The following ZKSCAN5 variants were observed in gnomAD, a reference collection of about 807,000 sequenced individuals.
ZKSCAN5 encodes the protein zinc finger protein with KRAB and SCAN domains 5.
Under a neutral mutation model 60.0 loss-of-function variants are expected in ZKSCAN5, and 28 were observed. That is an observed-to-expected ratio of 0.47 (90% CI 0.35 to 0.64). ZKSCAN5 has a LOEUF of 0.64. Ranked by LOEUF, ZKSCAN5 falls within the 30% of genes least tolerant of loss-of-function variation. The probability of loss-of-function intolerance (pLI) is 0.01; values close to 1 mark genes in which losing one functional copy is unlikely to be tolerated. For missense variants in ZKSCAN5, 881 were observed against 1,034.6 expected (o/e 0.85, Z 2.04); for synonymous variants, 361 against 371.2 (o/e 0.97, Z 0.31).
At chr7:99,505,858 ATTACT>A in intron 1 of ZKSCAN5, 142 bp from the exon 2 acceptor site, 2 of 599,658 alleles carry the variant, frequency 3.3e-6, no homozygotes, top group Non-Finnish European at 5.6e-6. Flanking sequence ...TTTTAAGTAA[ATTACT>A]TTGTTGAGTG....
intron 3 of ZKSCAN5, among the ~76,000 whole-genome samples, chr7:99,514,729 A>G (rs1801189736): frequency 6.6e-6 from 1 of 151,862 alleles, no homozygotes; most frequent in African/African-American, 2.4e-5. Context: ...CAACATGGCA[A>G]AACCCCATCT....
At position 99,525,499 on chromosome 7, in the gene ZKSCAN5, A is replaced by G. The variant is rs561394396; in HGVS notation, c.773-314A>G. Among the ~76,000 whole-genome samples, 23 of 151,560 alleles carry G rather than the reference A, an allele frequency of 1.5e-4. 1 individual carries two copies. Among genetic ancestry groups the G allele is most frequent in the South Asian group, 1.5e-3 (7 of 4,800 alleles). ...AACACACACATACACGCGCGCGCGC[A>G]CACACACACACACAAGAGAACATTT... On this transcript the variant is annotated intron_variant, in intron 5 of 6. Coordinates refer to ENST00000326775, the MANE Select transcript of ZKSCAN5 (RefSeq NM_145102.4).
At chr7:99,519,744 AT>A in intron 3 of ZKSCAN5, 82 bp from the exon 4 acceptor site, 1 of 1,387,482 alleles carries the variant, frequency 7.2e-7, no homozygotes, top group Admixed American at 1.7e-5. Flanking sequence ...GCCATTATGG[AT>A]TCCTGAGCAT....
At chr7:99,527,238 G>A (rs1424291733) in intron 6 of ZKSCAN5, among the ~76,000 whole-genome samples, 3 of 152,144 alleles carry the variant, frequency 2.0e-5, no homozygotes, top group Non-Finnish European at 2.9e-5. Flanking sequence ...GGCTGAGGTG[G>A]GAGGATCTCT....
At chr7:99,518,745 G>A (rs372504371) in intron 3 of ZKSCAN5, among the ~76,000 whole-genome samples, 6 of 137,686 alleles carry the variant, frequency 4.4e-5, no homozygotes, top group Admixed American at 4.1e-4. Flanking sequence ...GTGTGATCTC[G>A]GCTCATTGCA....
rs2151119155 is a variant in ZKSCAN5 at position 99,530,987 on chromosome 7, G to A, written c.1379-121G>A. The A allele has an allele frequency of 3.5e-6, 3 of 857,206 alleles. No individual in the cohort carries two copies. In the East Asian group the frequency reaches 8.1e-5, roughly 23 times the overall value. 53.1% of individuals were successfully genotyped at this position (857,206 alleles called of 1,614,324 possible). ...CAGGAGAATCACTTGAACCCAGGAG[G>A]CAGAGGTTGCAGTGAGCCGAGATCG... On this transcript the variant is annotated intron_variant, in intron 6 of 6. Transcript: ENST00000326775.
chr7:99,524,948 C>G (rs930435494), intron 5 of ZKSCAN5, among the ~76,000 whole-genome samples: 1 of 151,860 alleles, frequency 6.6e-6, no homozygotes, highest in Non-Finnish European at 1.5e-5. Context: ...GCGGGCAGAT[C>G]ACTAGGTCAG....
intron 2 of ZKSCAN5, among the ~76,000 whole-genome samples, chr7:99,509,710 C>T (rs1035179792): frequency 3.3e-5 from 5 of 152,106 alleles, no homozygotes; most frequent in South Asian, 2.1e-4. Context: ...TCGTGATCTG[C>T]CCACCTCGGC....
intron 3 of ZKSCAN5, among the ~76,000 whole-genome samples, chr7:99,514,333 G>A (rs1260120328): frequency 1.3e-5 from 2 of 152,134 alleles, no homozygotes; most frequent in Non-Finnish European, 1.5e-5. Flanking sequence ...TCATTAGAGA[G>A]TACAGCTGTC....
chr7:99,519,031 A>G (rs1562908975), intron 3 of ZKSCAN5, among the ~76,000 whole-genome samples: 1 of 144,774 alleles, frequency 6.9e-6, no homozygotes, highest in Non-Finnish European at 1.5e-5. Context: ...GCTGGAGTGC[A>G]GTGGCACGAT....
intron 2 of ZKSCAN5, 50 bp from the exon 3 acceptor site, chr7:99,512,403 T>A: frequency 6.4e-7 from 1 of 1,565,280 alleles, no homozygotes. Context: ...CTGATTTCTT[T>A]CGTGGCCTTC....
In ZKSCAN5 at chr7:99,532,033, C is replaced by G. The variant is rs1185723151; in HGVS notation, c.2304C>G (p.Ser768=). 1 of 1,614,156 alleles carries G rather than the reference C, an allele frequency of 6.2e-7. No individual in the cohort carries two copies. The highest frequency in any genetic ancestry group is 2.2e-5 in the East Asian group (1 of 44,880). ...CCAAACAACATCAAAAAATCTACTC[C>G]AGCACAAAATCCCATCAATGTCATG... ...SHTKQHQKIY[S]STKSHQCHEC... The change falls in exon 7 of 7, where the codon TCC becomes TCG. Residue 768 remains serine, a synonymous_variant. Transcript: ENST00000326775.
At chr7:99,513,943 G>T (rs1801156088) in intron 3 of ZKSCAN5, among the ~76,000 whole-genome samples, 1 of 152,144 alleles carries the variant, frequency 6.6e-6, no homozygotes, top group Non-Finnish European at 1.5e-5. Context: ...TACTCAGGAG[G>T]CTGAGGCATG....
rs1447050278 is a variant in ZKSCAN5, at chr7:99,531,267, A to G, written c.1538A>G (p.Lys513Arg). 3.7e-6 allele frequency: 6 copies of G among 1,614,218 alleles called. No homozygotes were observed. Among genetic ancestry groups the G allele is most frequent in the Non-Finnish European group, 5.1e-6 (6 of 1,180,038 alleles). Residue 513 changes from lysine (K) to arginine (R), a missense_variant, in exon 7 of 7, where the codon AAG becomes AGG. By Grantham distance (26) the Lys-to-Arg change is conservative. Around this residue, in one of 5 missense-constraint regions of ZKSCAN5, gnomAD observed 490 missense variants for 554.5 expected, o/e 0.88. Transcript: ENST00000326775. ...GCEFQGKLDR[K>R]QGIPMKEILG... ...GAGTTTCAAGGCAAGCTGGATAGAA[A>G]GCAGGGAATTCCCATGAAAGAGATA...
intron 3 of ZKSCAN5, among the ~76,000 whole-genome samples, chr7:99,519,273 ATTTT>A (rs536984886): frequency 8.9e-6 from 1 of 112,664 alleles, no homozygotes. Context: ...CACGCCCAGT[ATTTT>A]TTTTTTTTTT....
intron 3 of ZKSCAN5, among the ~76,000 whole-genome samples, chr7:99,518,717 C>T (rs965601643): frequency 6.9e-6 from 1 of 145,284 alleles, no homozygotes; most frequent in South Asian, 2.3e-4. Context: ...GCTCTGTCAC[C>T]CAGGCTGGAG....
Position 99,504,666 on chromosome 7 carries a change from G to T in ZKSCAN5, c.-108G>T, listed in dbSNP as rs2151089178. 1 of 152,410 alleles carries T rather than the reference G, an allele frequency of 6.6e-6. No homozygotes were observed. Among genetic ancestry groups the T allele is most frequent in the East Asian group, 1.9e-4 (1 of 5,178 alleles). 9.4% of individuals were successfully genotyped at this position (152,410 alleles called of 1,614,324 possible). On this transcript the variant is annotated 5_prime_UTR_variant, in exon 1 of 7. Coordinates refer to ENST00000326775, the MANE Select transcript of ZKSCAN5 (RefSeq NM_145102.4). ...GGGAGATGTAGTTCCGGGAACAGCT[G>T]GCCCCTGCGACTCGCGGGTGTGACG...
At chr7:99,512,311 A>AC in intron 2 of ZKSCAN5, 142 bp from the exon 3 acceptor site, 1 of 966,990 alleles carries the variant, frequency 1.0e-6, no homozygotes, top group Admixed American at 2.7e-5. Context: ...TTATTAAGTA[A>AC]CTGCATAATC....
In ZKSCAN5 at chr7:99,510,280, C is replaced by T. The variant is rs1323818448; in HGVS notation, c.415-2173C>T. Among the ~76,000 whole-genome samples, 23 of 148,088 alleles carry T rather than the reference C, an allele frequency of 1.6e-4. No individual in the cohort carries two copies. In the East Asian group the frequency reaches 4.4e-3, roughly 29 times the overall value. On this transcript the variant is annotated intron_variant, in intron 2 of 6. Transcript: ENST00000326775. Reference sequence around the variant, plus strand: ...TTTAAGACGGAGTCTGGCTCTGCCACCCAGGCTGGAGTGCAGTGGCCTGAT... The same window carrying T: ...TTTAAGACGGAGTCTGGCTCTGCCATCCAGGCTGGAGTGCAGTGGCCTGAT...
Sources: allele counts gnomAD v4.1 joint callset (sites outside exome capture counted in the v4.1 genomes callset), GRCh38; gene constraint gnomAD v4.1.1; regional missense constraint gnomAD v4.1.1; transcripts MANE v1.5; gene names NCBI Gene and HGNC (gene_info 2026-07-23, HGNC 2026-07-21).